The following KCNQ5 variants were observed in gnomAD, a reference collection of about 807,000 sequenced individuals.
The protein encoded by KCNQ5 is potassium voltage-gated channel subfamily Q member 5, also known as potassium voltage-gated channel subfamily KQT member 5.
KCNQ5 carries 30 observed loss-of-function variants against 98.2 expected under a neutral mutation model. That is an observed-to-expected ratio of 0.31 (90% CI 0.23 to 0.41). The LOEUF is 0.41. Ranked by LOEUF, KCNQ5 falls within the 10% of genes least tolerant of loss-of-function variation. KCNQ5 has a pLI of 1.00. For synonymous variants in KCNQ5, 458 were observed against 449.4 expected (o/e 1.02, Z -0.24); for missense variants, 835 against 1,182.5 (o/e 0.71, Z 4.31).
intron 1 of KCNQ5, among the ~76,000 whole-genome samples, chr6:72,718,155 A>G (rs970398329): frequency 7.9e-5 from 12 of 152,162 alleles, no homozygotes; most frequent in African/African-American, 2.4e-4. Context: ...ATTTGCCTTG[A>G]GTGACTTTCC....
intron 5 of KCNQ5, among the ~76,000 whole-genome samples, chr6:73,081,766 A>G (rs1262329383): frequency 6.6e-6 from 1 of 152,202 alleles, no homozygotes; most frequent in African/African-American, 2.4e-5. Context: ...ATTGAAAAGA[A>G]AAAAAACTTT....
chr6:73,134,753 G>C (rs1188799705), intron 10 of KCNQ5: 1 of 152,452 alleles, frequency 6.6e-6, no homozygotes, highest in Non-Finnish European at 1.5e-5. Context: ...GGTCCCATAT[G>C]GGCGCAAGAC....
chr6:72,788,162 G>A (rs1773857521), intron 1 of KCNQ5, among the ~76,000 whole-genome samples: 1 of 152,138 alleles, frequency 6.6e-6, no homozygotes, highest in Admixed American at 6.5e-5. Context: ...AAATACAGGA[G>A]GAATTTTGTA....
At position 73,004,240 on chromosome 6, in the gene KCNQ5, T is replaced by C. The variant is rs545935300; in HGVS notation, c.489+242T>C. Among the ~76,000 whole-genome samples, 156 of 152,342 alleles carry C rather than the reference T, an allele frequency of 1.0e-3. 1 individual carries two copies. The South Asian group carries it at 0.031, about 31-fold the overall frequency. ...AATATCTTGTGTTGTAGATATATCA[T>C]AAATAGAAGGCAATATTAGAAAGCA... On this transcript the variant is annotated intron_variant, in intron 2 of 13. Coordinates refer to ENST00000370398, the MANE Select transcript of KCNQ5 (RefSeq NM_019842.4).
At chr6:72,680,600 C>A (rs188657705) in intron 1 of KCNQ5, among the ~76,000 whole-genome samples, 224 of 152,242 alleles carry the variant, frequency 1.5e-3, no homozygotes, top group Middle Eastern at 0.01. Context: ...GAAAGAAAAA[C>A]CTTGACTTAT....
At chr6:72,666,412 G>A (rs189087205) in intron 1 of KCNQ5, among the ~76,000 whole-genome samples, 16 of 152,124 alleles carry the variant, frequency 1.1e-4, no homozygotes, top group East Asian at 1.9e-4. Context: ...TATCACTATC[G>A]TAAAACTGAA....
intron 10 of KCNQ5, among the ~76,000 whole-genome samples, chr6:73,165,667 C>G (rs1236157448): frequency 6.6e-6 from 1 of 152,096 alleles, no homozygotes; most frequent in Non-Finnish European, 1.5e-5. Flanking sequence ...AAGGGCAGCC[C>G]CATGTGGTGG....
chr6:72,776,862 G>A (rs912060691), intron 1 of KCNQ5, among the ~76,000 whole-genome samples: 3 of 152,166 alleles, frequency 2.0e-5, no homozygotes, highest in Admixed American at 6.5e-5. Context: ...AAACAAGCCA[G>A]CAGACATGAG....
intron 2 of KCNQ5, among the ~76,000 whole-genome samples, chr6:73,034,682 A>G (rs759331390): frequency 2.0e-5 from 3 of 152,208 alleles, no homozygotes; most frequent in Non-Finnish European, 4.4e-5. Context: ...CAAATGGTAC[A>G]GCAGAGTTAT....
chr6:72,789,639 T>C (rs1347973930), intron 1 of KCNQ5, among the ~76,000 whole-genome samples: 2 of 152,190 alleles, frequency 1.3e-5, no homozygotes, highest in African/African-American at 4.8e-5. Context: ...TTATTCATCA[T>C]TAGGTATGTT....
At chr6:72,796,839 T>G (rs1235207986) in intron 1 of KCNQ5, among the ~76,000 whole-genome samples, 2 of 152,162 alleles carry the variant, frequency 1.3e-5, no homozygotes, top group Non-Finnish European at 2.9e-5. Context: ...AAGGTCAAAA[T>G]TGAAATACAA....
At chr6:72,732,538 C>T (rs948881974) in intron 1 of KCNQ5, among the ~76,000 whole-genome samples, 1 of 152,190 alleles carries the variant, frequency 6.6e-6, no homozygotes, top group Non-Finnish European at 1.5e-5. Context: ...ACTCTTATGT[C>T]TATCTTCAGT....
intron 5 of KCNQ5, among the ~76,000 whole-genome samples, chr6:73,078,541 G>C (rs1377726962): frequency 6.6e-6 from 1 of 152,144 alleles, no homozygotes; most frequent in East Asian, 1.9e-4. Context: ...AAACCAGTAA[G>C]ATGTTAAAAC....
At chr6:72,932,796 A>G (rs1192418486) in intron 1 of KCNQ5, among the ~76,000 whole-genome samples, 2 of 152,184 alleles carry the variant, frequency 1.3e-5, no homozygotes, top group East Asian at 1.9e-4. Flanking sequence ...AAAATTAAAG[A>G]GAGTTTTTGT....
At chr6:72,943,579 T>C (rs1231624798) in intron 1 of KCNQ5, among the ~76,000 whole-genome samples, 1 of 152,350 alleles carries the variant, frequency 6.6e-6, no homozygotes, top group East Asian at 1.9e-4. Context: ...GAATAAATTC[T>C]AGGAGTAGTT....
chr6:72,802,546 A>C lies in KCNQ5; in HGVS notation c.398+179959A>C, dbSNP rs148622330. On this transcript the variant is annotated intron_variant, in intron 1 of 13. Transcript: ENST00000370398. ...CCTCATGTGGGCAAAGCAAAACCCA[A>C]CCTCATATCGTTACTTTAACTTAGA... is the stretch of plus-strand genomic sequence containing the variant. 2.5e-4 allele frequency among the ~76,000 whole-genome samples: 38 copies of C among 152,042 alleles called. 2 individuals are homozygous for C. Among genetic ancestry groups the C allele is most frequent in the East Asian group, 1.9e-3 (10 of 5,170 alleles).
At chr6:73,009,191 C>A (rs1769950318) in intron 2 of KCNQ5, among the ~76,000 whole-genome samples, 1 of 152,014 alleles carries the variant, frequency 6.6e-6, no homozygotes, top group Non-Finnish European at 1.5e-5. Context: ...AGGGTTTCAC[C>A]ATATTAGCCA....
chr6:72,730,529 C>A (rs1770504329), intron 1 of KCNQ5, among the ~76,000 whole-genome samples: 1 of 152,128 alleles, frequency 6.6e-6, no homozygotes, highest in African/African-American at 2.4e-5. Context: ...CAACTTTTTT[C>A]TGTATGGCCA....
chr6:72,793,777 T>C (rs776055090), intron 1 of KCNQ5, among the ~76,000 whole-genome samples: 1 of 152,208 alleles, frequency 6.6e-6, no homozygotes, highest in South Asian at 2.1e-4. Context: ...GATGGGAGAA[T>C]TGGCCTTGAT....
Sources: gnomAD v4.1 joint callset for allele counts (sites outside exome capture counted in the v4.1 genomes callset) on GRCh38, gnomAD v4.1.1 for gene constraint, MANE v1.5 for transcripts, NCBI Gene and HGNC (gene_info 2026-07-23, HGNC 2026-07-21) for gene names.